Variants in TTC39B observed in about 807,000 individuals in gnomAD.
The protein encoded by TTC39B is tetratricopeptide repeat protein 39B.
TTC39B carries 92 observed loss-of-function variants against 96.6 expected under a neutral mutation model. The observed-to-expected ratio is 0.95, with a 90% CI of 0.80 to 1.13. TTC39B has a LOEUF of 1.13. TTC39B is among the 50% of genes most tolerant of loss of function. TTC39B has a pLI of 0.00. For synonymous variants in TTC39B, 367 were observed against 299.4 expected (o/e 1.23, Z -2.33); for missense variants, 955 against 809.3 (o/e 1.18, Z -2.18).
chr9:15,196,235 T>C (rs557044290), intron 8 of TTC39B, among the ~76,000 whole-genome samples: 4 of 152,350 alleles, frequency 2.6e-5, no homozygotes, highest in Admixed American at 6.5e-5. Flanking sequence ...CAACATCCAT[T>C]CTGCAGCCCA....
chr9:15,244,442 G>C (rs1334984750), intron 2 of TTC39B, among the ~76,000 whole-genome samples: 5 of 152,234 alleles, frequency 3.3e-5, no homozygotes, highest in African/African-American at 1.2e-4. Context: ...ATCTGCAAAA[G>C]CAAAGCAGCA....
At chr9:15,265,690 A>G (rs776300240) in intron 2 of TTC39B, among the ~76,000 whole-genome samples, 14 of 152,182 alleles carry the variant, frequency 9.2e-5, no homozygotes, top group African/African-American at 2.7e-4. Flanking sequence ...AAACCTGACA[A>G]ACACTACCCA....
intron 4 of TTC39B, among the ~76,000 whole-genome samples, chr9:15,212,709 G>T (rs1161138450): frequency 1.3e-5 from 2 of 152,206 alleles, no homozygotes; most frequent in East Asian, 3.9e-4. Context: ...TTACAGGCGT[G>T]AGCCATTTAA....
intron 3 of TTC39B, among the ~76,000 whole-genome samples, chr9:15,221,047 G>A (rs867914436): frequency 6.6e-6 from 1 of 152,176 alleles, no homozygotes; most frequent in Non-Finnish European, 1.5e-5. Flanking sequence ...GGTGATGACC[G>A]CATAGCTAGG....
chr9:15,176,708 G>C (rs1297853048), intron 18 of TTC39B, among the ~76,000 whole-genome samples: 2 of 152,128 alleles, frequency 1.3e-5, no homozygotes, highest in African/African-American at 4.8e-5. Flanking sequence ...ACTGTGCAAA[G>C]CAATAATCAA....
intron 17 of TTC39B, among the ~76,000 whole-genome samples, chr9:15,180,472 A>T (rs1818189611): frequency 6.6e-6 from 1 of 152,232 alleles, no homozygotes; most frequent in African/African-American, 2.4e-5. Context: ...TATCTTTTGT[A>T]TCAATGGCCA....
At chr9:15,192,675 T>C (rs1818925356) in exon 9 of TTC39B, 3 of 1,613,994 alleles carry the variant, frequency 1.9e-6, no homozygotes, top group South Asian at 1.1e-5. Flanking sequence ...CTGAATTTCA[T>C]GCAGGATAGA....
intron 18 of TTC39B, among the ~76,000 whole-genome samples, chr9:15,177,303 C>T (rs1817994226): frequency 6.6e-6 from 1 of 151,682 alleles, no homozygotes; most frequent in South Asian, 2.1e-4. Context: ...ACTTGCACTC[C>T]AGTCTGGACA....
intron 1 of TTC39B, among the ~76,000 whole-genome samples, chr9:15,294,372 T>C (rs1022331604): frequency 9.9e-5 from 15 of 152,194 alleles, no homozygotes; most frequent in African/African-American, 3.1e-4. Context: ...TTACAGGCCA[T>C]AGTCTCCTAC....
At chr9:15,264,404 C>A (rs534044971) in intron 2 of TTC39B, among the ~76,000 whole-genome samples, 7 of 152,178 alleles carry the variant, frequency 4.6e-5, no homozygotes, top group African/African-American at 1.4e-4. Flanking sequence ...GTAATCCCAG[C>A]ACTTTGGGGG....
At chr9:15,195,538 C>T (rs113420115) in intron 8 of TTC39B, among the ~76,000 whole-genome samples, 17,634 of 151,774 alleles carry the variant, frequency 0.12, 1,213 homozygotes, top group Non-Finnish European at 0.16. Flanking sequence ...GGCACGGTGG[C>T]GCACACCTGT....
chr9:15,299,027 G>A (rs550165030), intron 1 of TTC39B, among the ~76,000 whole-genome samples: 1 of 152,192 alleles, frequency 6.6e-6, no homozygotes, highest in Admixed American at 6.5e-5. Flanking sequence ...CCCAGGAGAG[G>A]TGCCCTCCTC....
intron 1 of TTC39B, among the ~76,000 whole-genome samples, chr9:15,271,314 G>A (rs1235378747): frequency 1.3e-5 from 2 of 152,256 alleles, no homozygotes; most frequent in Middle Eastern, 3.4e-3. Flanking sequence ...TTGACTTACA[G>A]GATTTTTAGT....
At chr9:15,266,444 A>T (rs929078028) in intron 2 of TTC39B, among the ~76,000 whole-genome samples, 5 of 152,224 alleles carry the variant, frequency 3.3e-5, no homozygotes, top group African/African-American at 1.2e-4. Flanking sequence ...AGAAAATTAG[A>T]AGTCATACAA....
At position 15,211,297 on chromosome 9, in the gene TTC39B, C is replaced by T. The variant is rs757809582; in HGVS notation, c.583G>A (p.Ala195Thr). The T allele has an allele frequency of 6.3e-7, 1 of 1,581,448 alleles. No homozygotes were observed. Among genetic ancestry groups the T allele is most frequent in the East Asian group, 2.3e-5 (1 of 42,642 alleles). The change falls in exon 5 of 20, where the codon GCC becomes ACC. Residue 195 changes from alanine to threonine, a missense_variant. Ala to Thr is a moderately conservative substitution (Grantham distance 58). Coordinates refer to ENST00000512701, the Ensembl canonical transcript of TTC39B. ...CAGGTTTGTAAAGCGTCCTTCATGG[C>T]AGAAATGCCGTTCTGGATGTCCTGT...
chr9:15,277,533 C>A (rs951900288), intron 1 of TTC39B, among the ~76,000 whole-genome samples: 11 of 152,140 alleles, frequency 7.2e-5, no homozygotes, highest in Admixed American at 2.6e-4. Flanking sequence ...AGCAGGTGAC[C>A]TTGGCCAACA....
chr9:15,218,791 C>A (rs1190113213), intron 3 of TTC39B, among the ~76,000 whole-genome samples: 1 of 152,052 alleles, frequency 6.6e-6, no homozygotes, highest in Non-Finnish European at 1.5e-5. Flanking sequence ...GGAATCAGAT[C>A]CTTTTATTCA....
At chr9:15,176,762 T>C (rs979654377) in intron 18 of TTC39B, among the ~76,000 whole-genome samples, 2 of 152,170 alleles carry the variant, frequency 1.3e-5, no homozygotes, top group Non-Finnish European at 2.9e-5. Flanking sequence ...GAAAACACCC[T>C]GACCTATAGA....
intron 1 of TTC39B, among the ~76,000 whole-genome samples, chr9:15,270,634 A>T (rs991997709): frequency 4.6e-5 from 7 of 151,672 alleles, no homozygotes; most frequent in Admixed American, 4.6e-4. Flanking sequence ...AAAAAAGAAT[A>T]TCAAGCCAGG....
Sources: gnomAD v4.1 joint callset for allele counts (sites outside exome capture counted in the v4.1 genomes callset) on GRCh38, gnomAD v4.1.1 for gene constraint, MANE v1.5 for transcripts, NCBI Gene and HGNC (gene_info 2026-07-23, HGNC 2026-07-21) for gene names.